The following LRRC49 variants were observed in gnomAD, a reference collection of about 807,000 sequenced individuals.
LRRC49 encodes leucine rich repeat containing 49.
In LRRC49, 50 loss-of-function variants were observed where a neutral mutation model predicts 83.3. That is an observed-to-expected ratio of 0.60 (90% CI 0.48 to 0.76). The LOEUF (loss-of-function observed/expected upper bound fraction) is 0.76, where lower values mean the gene tolerates loss of function less well. LRRC49 is among the 30% of genes least tolerant of loss of function. LRRC49 has a pLI of 0.00. For missense variants in LRRC49, 704 were observed against 809.1 expected, an observed-to-expected ratio of 0.87 and a Z score of 1.58; for synonymous variants, 286 against 283.3, an observed-to-expected ratio of 1.01 and a Z score of -0.10.
chr15:70,900,384 G>A (rs762900762), intron 3 of LRRC49: 23 of 438,198 alleles, frequency 5.2e-5, no homozygotes, highest in Middle Eastern at 3.4e-4. Context: ...GAGATGATGC[G>A]AGGTTTACAT....
intron 11 of LRRC49, among the ~76,000 whole-genome samples, chr15:70,985,220 G>C (rs1322895169): frequency 6.6e-6 from 1 of 150,848 alleles, no homozygotes; most frequent in East Asian, 2.0e-4. Flanking sequence ...CTTCCACAAT[G>C]GTTGAACTAG....
At chr15:70,891,795 C>T (rs1343542757), upstream of LRRC49, 5 of 1,458,032 alleles carry the variant, frequency 3.4e-6, no homozygotes, top group South Asian at 5.6e-5. Flanking sequence ...TGGAGGAGCC[C>T]AGCCAGAGTC....
chr15:71,035,593 G>A (rs577926177), intron 14 of LRRC49, among the ~76,000 whole-genome samples: 6 of 152,090 alleles, frequency 3.9e-5, no homozygotes, highest in East Asian at 3.9e-4. Flanking sequence ...GATAATGTGC[G>A]GTGTTTGGTT....
intron 8 of LRRC49, among the ~76,000 whole-genome samples, chr15:70,958,603 A>T (rs956307120): frequency 6.6e-6 from 1 of 152,224 alleles, no homozygotes; most frequent in African/African-American, 2.4e-5. Flanking sequence ...GAAGAAAATG[A>T]ATTTTGGCAA....
In LRRC49 at chr15:70,999,503, C is replaced by G. The variant is rs1417053178; in HGVS notation, c.1170-8876C>G. Reference sequence around the variant, plus strand: ...AAGGAAAAAATAAACCTCTCCCAGACTCTATCGATTGGTTCTGTTTTGAGG... The same window carrying G: ...AAGGAAAAAATAAACCTCTCCCAGAGTCTATCGATTGGTTCTGTTTTGAGG... On this transcript the variant is annotated intron_variant, in intron 11 of 15. Coordinates refer to ENST00000260382, the MANE Select transcript of LRRC49 (RefSeq NM_017691.5). Among the ~76,000 whole-genome samples, 11 of 152,282 alleles carry G rather than the reference C, an allele frequency of 7.2e-5. No individual in the cohort carries two copies. The South Asian group carries it at 2.3e-3, about 32-fold the overall frequency.
At chr15:70,892,800 TGCCTGGGAGATG>T, upstream of LRRC49, 20 of 1,612,884 alleles carry the variant, frequency 1.2e-5, no homozygotes, top group Non-Finnish European at 1.7e-5. Context: ...CTGAGCAGGT[TGCCTGGGAGATG>T]ACCTCTTTCG....
At chr15:70,988,987 A>G (rs1294514905) in intron 11 of LRRC49, among the ~76,000 whole-genome samples, 6 of 152,112 alleles carry the variant, frequency 3.9e-5, no homozygotes, top group South Asian at 2.1e-4. Context: ...TGGCTTGTAG[A>G]GTTTCTGCTG....
At position 71,012,885 on chromosome 15, in the gene LRRC49, C is replaced by G. The variant is rs199883910; in HGVS notation, c.1675C>G (p.Arg559Gly). ...AGCATCTTCTGAGTTACCCCAGTAT[C>G]GTCTGATTTCCATTCTGGGTGATGC... ...HVASSELPQY[R>G]LISILGDARK... The change falls in exon 14 of 16, where the codon CGT (arginine) becomes GGT (glycine). Residue 559 changes from arginine (R) to glycine (G), a missense_variant. By Grantham distance (125) the Arg-to-Gly change is moderately radical (BLOSUM62 -2). Around this residue, in one of 3 missense-constraint regions of LRRC49, gnomAD observed 275 missense variants for 338.0 expected, o/e 0.81. Coordinates refer to ENST00000260382, the MANE Select transcript of LRRC49 (RefSeq NM_017691.5). The G allele has an allele frequency of 6.2e-7, 1 of 1,611,946 alleles. No homozygotes were observed. The highest frequency in any genetic ancestry group is 1.3e-5 in the African/African-American group (1 of 74,824).
At chr15:70,976,205 G>A (rs1252353992) in intron 9 of LRRC49, among the ~76,000 whole-genome samples, 2 of 152,266 alleles carry the variant, frequency 1.3e-5, no homozygotes, top group East Asian at 3.9e-4. Flanking sequence ...GTATTTAACA[G>A]CTAATATCCC....
rs117070832 is a variant in LRRC49, at chr15:70,902,977, C to T, written c.297-1575C>T. Among the ~76,000 whole-genome samples, 847 of 152,136 alleles carry T rather than the reference C, an allele frequency of 5.6e-3. 4 individuals are homozygous for T. Among genetic ancestry groups the T allele is most frequent in the Middle Eastern group, 0.024 (7 of 294 alleles). On this transcript the variant is annotated intron_variant, in intron 4 of 15. Transcript: ENST00000260382. ...GTGAGCCTTGGCACTGGGACTTAAC[C>T]ACTGTGTTTAGAATCAGAGAAAGTG...
chr15:71,033,286 C>T (rs938171559), intron 14 of LRRC49, among the ~76,000 whole-genome samples: 1 of 152,138 alleles, frequency 6.6e-6, no homozygotes, highest in Non-Finnish European at 1.5e-5. Context: ...AATAAAATGC[C>T]TGGGAATACA....
At chr15:70,900,322 T>C in intron 3 of LRRC49, 1 of 380,316 alleles carries the variant, frequency 2.6e-6, no homozygotes, top group Admixed American at 3.2e-5. Context: ...TGACATCCAC[T>C]TTGGTATCTT....
rs534461434 is a variant in LRRC49 at position 71,034,034 on chromosome 15, G to A, written c.1704-3145G>A. Among the ~76,000 whole-genome samples, 149 of 152,106 alleles carry A rather than the reference G, an allele frequency of 9.8e-4. 1 individual carries two copies. Among genetic ancestry groups the A allele is most frequent in the Non-Finnish European group, 1.7e-3 (115 of 67,960 alleles). On this transcript the variant is annotated intron_variant, in intron 14 of 15. Coordinates refer to ENST00000260382, the MANE Select transcript of LRRC49 (RefSeq NM_017691.5). The stretch of plus-strand genomic sequence containing the variant: ...TGCCACAAAAGCAAAAATTGACAAA[G>A]GGGATCTAAACAAACTAAAGAGCTT...
At chr15:71,011,264 A>G (rs1346284320) in intron 13 of LRRC49, among the ~76,000 whole-genome samples, 1 of 152,112 alleles carries the variant, frequency 6.6e-6, no homozygotes, top group Non-Finnish European at 1.5e-5. Flanking sequence ...GACTGGAAAT[A>G]GAATGGTTAT....
At chr15:70,983,236 A>G (rs1484612095) in intron 10 of LRRC49, among the ~76,000 whole-genome samples, 1 of 152,128 alleles carries the variant, frequency 6.6e-6, no homozygotes, top group African/African-American at 2.4e-5. Flanking sequence ...AATTTCTTTC[A>G]GTAGTCTAGA....
intron 8 of LRRC49, among the ~76,000 whole-genome samples, chr15:70,939,820 A>G (rs1271196918): frequency 7.8e-6 from 1 of 127,436 alleles, no homozygotes; most frequent in Non-Finnish European, 1.7e-5. Context: ...CTTTTTCTTT[A>G]TGATATCACT....
At chr15:70,903,186 A>G (rs1002889088) in intron 4 of LRRC49, among the ~76,000 whole-genome samples, 6 of 152,112 alleles carry the variant, frequency 3.9e-5, no homozygotes, top group African/African-American at 1.2e-4. Flanking sequence ...TTTTTTGCAA[A>G]GCTGATGCAC....
intron 7 of LRRC49, among the ~76,000 whole-genome samples, chr15:70,932,092 C>G (rs1360287306): frequency 2.6e-5 from 4 of 152,144 alleles, no homozygotes; most frequent in Admixed American, 2.6e-4. Flanking sequence ...AGTTTTTGCT[C>G]TGGGGTATTA....
At chr15:70,883,567 T>A (rs1038381423) in intron 2 of LRRC49, among the ~76,000 whole-genome samples, 1 of 152,162 alleles carries the variant, frequency 6.6e-6, no homozygotes, top group Non-Finnish European at 1.5e-5. Context: ...AATCATTTGT[T>A]CTTTATACTT....
Sources: allele counts gnomAD v4.1 joint callset (sites outside exome capture counted in the v4.1 genomes callset), GRCh38; gene constraint gnomAD v4.1.1; regional missense constraint gnomAD v4.1.1; transcripts MANE v1.5; gene names NCBI Gene and HGNC (gene_info 2026-07-23, HGNC 2026-07-21).